Variants in CCDC102B observed in about 807,000 individuals in gnomAD.
The protein encoded by CCDC102B is coiled-coil domain-containing protein 102B.
In CCDC102B, 75 loss-of-function variants were observed where a neutral mutation model predicts 57.4. The observed-to-expected ratio is 1.31, with a 90% confidence interval of 1.08 to 1.58. The LOEUF is 1.58. CCDC102B is among the 40% of genes most tolerant of loss of function. CCDC102B has a pLI of 0.00. For synonymous variants in CCDC102B, 206 were observed against 201.9 expected (o/e 1.02, Z -0.17); for missense variants, 636 against 582.6 (o/e 1.09, Z -0.94).
At chr18:68,880,423 C>T (rs1161896286) in intron 5 of CCDC102B, among the ~76,000 whole-genome samples, 1 of 152,208 alleles carries the variant, frequency 6.6e-6, no homozygotes, top group Non-Finnish European at 1.5e-5. Context: ...CAGCCTTGGC[C>T]AGCCCAGAAA....
intron 2 of CCDC102B, among the ~76,000 whole-genome samples, chr18:68,790,870 A>G (rs958827897): frequency 2.0e-5 from 3 of 152,074 alleles, no homozygotes; most frequent in Admixed American, 1.3e-4. Flanking sequence ...GGTAACTTTT[A>G]TTGTGTTTTG....
At chr18:68,866,864 G>A in intron 4 of CCDC102B, 1 of 677,824 alleles carries the variant, frequency 1.5e-6, no homozygotes, top group Middle Eastern at 4.1e-4. Flanking sequence ...ATCCACCACA[G>A]CTACATTGGC....
At chr18:68,739,110 T>A (rs2033274576) in intron 2 of CCDC102B, among the ~76,000 whole-genome samples, 1 of 151,842 alleles carries the variant, frequency 6.6e-6, no homozygotes, top group Admixed American at 6.6e-5. Flanking sequence ...TTCTTGTGCC[T>A]CAGCCTCCCA....
At chr18:68,846,186 TTC>T (rs1229813893) in intron 3 of CCDC102B, 125 bp from the exon 4 acceptor site, 1 of 448,986 alleles carries the variant, frequency 2.2e-6, no homozygotes, top group Non-Finnish European at 3.9e-6. Context: ...GCAAAATGTT[TTC>T]TCTCATTAAG....
chr18:68,914,601 C>G (rs1168525863), intron 6 of CCDC102B, among the ~76,000 whole-genome samples: 1 of 152,088 alleles, frequency 6.6e-6, no homozygotes, highest in Non-Finnish European at 1.5e-5. Flanking sequence ...CTGGAGGTGC[C>G]CTTGACCATC....
At chr18:68,961,353 A>G (rs1242614515) in intron 6 of CCDC102B, among the ~76,000 whole-genome samples, 4 of 152,048 alleles carry the variant, frequency 2.6e-5, no homozygotes, top group Admixed American at 2.6e-4. Flanking sequence ...CAGAAACAAG[A>G]ATAAAAAAAT....
chr18:68,734,855 A>T (rs556727178), intron 2 of CCDC102B: 6 of 152,036 alleles, frequency 3.9e-5, no homozygotes, highest in South Asian at 2.1e-4. Context: ...AGTCTTTTTT[A>T]AAAAAATTAT....
intron 6 of CCDC102B, among the ~76,000 whole-genome samples, chr18:68,903,961 C>T (rs1041483349): frequency 6.6e-6 from 1 of 152,150 alleles, no homozygotes; most frequent in Non-Finnish European, 1.5e-5. Context: ...TGTTTAGTAA[C>T]TTTGGCTTCA....
intron 2 of CCDC102B, among the ~76,000 whole-genome samples, chr18:68,765,045 T>TTAAATAAATAAA (rs60550530): frequency 0.43 from 54,276 of 126,672 alleles, 13,154 homozygotes; most frequent in East Asian, 0.78. Flanking sequence ...AAACCCTCTC[T>TTAAATAAATAAA]TAAATAAATA....
intron 1 of CCDC102B, among the ~76,000 whole-genome samples, chr18:68,814,828 A>C (rs2036412856): frequency 6.6e-6 from 1 of 152,070 alleles, no homozygotes; most frequent in African/African-American, 2.4e-5. Flanking sequence ...AAAAGAAAAA[A>C]AATCTCCAAT....
chr18:69,009,023 A>T (rs1289848076), intron 6 of CCDC102B, among the ~76,000 whole-genome samples: 1 of 152,212 alleles, frequency 6.6e-6, no homozygotes, highest in African/African-American at 2.4e-5. Context: ...AAATATTCTC[A>T]TAATCACAAC....
At chr18:68,959,244 C>G (rs999873969) in intron 6 of CCDC102B, among the ~76,000 whole-genome samples, 1 of 152,188 alleles carries the variant, frequency 6.6e-6, no homozygotes, top group African/African-American at 2.4e-5. Context: ...TCCAGTAACA[C>G]TGTGGCTTTT....
chr18:68,860,426 C>T (rs2038685706), intron 4 of CCDC102B, among the ~76,000 whole-genome samples: 2 of 77,222 alleles, frequency 2.6e-5, no homozygotes, highest in African/African-American at 3.9e-5. Flanking sequence ...ACAATGTGCA[C>T]ATGTACCCTA....
chr18:68,860,475 C>CAAA lies in CCDC102B; in HGVS notation c.936+14065_936+14067dup, dbSNP rs1169097862. On this transcript the variant is annotated intron_variant, in intron 4 of 7. Transcript: ENST00000360242. Reference sequence around the variant, plus strand: ...AATTAAAAAAAAACAAAAACAAAAACAAAAAAAAAAAAAGACACTACAGGA... The same window carrying CAAA: ...AATTAAAAAAAAACAAAAACAAAAACAAAAAAAAAAAAAAAAGACACTACAGGA... 1.1e-3 allele frequency among the ~76,000 whole-genome samples: 56 copies of CAAA among 53,048 alleles called. 1 individual carries two copies. The highest frequency in any genetic ancestry group is 3.1e-3 in the South Asian group (5 of 1,598). The allele number at this position is 53,048 out of a possible 152,430, so 34.8% of individuals were successfully genotyped here.
intron 1 of CCDC102B, among the ~76,000 whole-genome samples, chr18:68,801,466 G>A (rs1386361019): frequency 6.6e-6 from 1 of 151,974 alleles, no homozygotes; most frequent in Admixed American, 6.6e-5. Context: ...TTTCCTAAAA[G>A]AATTGCTGTT....
At chr18:69,000,669 A>G (rs1398580749) in intron 6 of CCDC102B, among the ~76,000 whole-genome samples, 1 of 152,130 alleles carries the variant, frequency 6.6e-6, no homozygotes, top group Non-Finnish European at 1.5e-5. Context: ...TGTTTTACAG[A>G]TAAGATGTTA....
intron 7 of CCDC102B, among the ~76,000 whole-genome samples, chr18:69,024,102 A>G (rs567926017): frequency 6.6e-6 from 1 of 152,092 alleles, no homozygotes; most frequent in African/African-American, 2.4e-5. Flanking sequence ...AATAATGGGA[A>G]ATACGCTTTG....
At chr18:68,872,720 A>G (rs1372701711) in intron 4 of CCDC102B, among the ~76,000 whole-genome samples, 2 of 151,466 alleles carry the variant, frequency 1.3e-5, no homozygotes, top group Non-Finnish European at 2.9e-5. Context: ...TATTTCCCCT[A>G]TAGACATTCT....
intron 3 of CCDC102B, among the ~76,000 whole-genome samples, chr18:68,845,890 G>T (rs1490316112): frequency 1.3e-5 from 2 of 151,766 alleles, no homozygotes; most frequent in African/African-American, 2.4e-5. Context: ...TAGGTGGCTT[G>T]TTGGAATTCT....
Sources: gnomAD v4.1 joint callset for allele counts (sites outside exome capture counted in the v4.1 genomes callset) on GRCh38, gnomAD v4.1.1 for gene constraint, MANE v1.5 for transcripts, NCBI Gene and HGNC (gene_info 2026-07-23, HGNC 2026-07-21) for gene names.